Variants in PCDHA3 observed in about 807,000 individuals in gnomAD.
PCDHA3 encodes the protein protocadherin alpha 3, also known as protocadherin alpha-3.
PCDHA3 carries 41 observed loss-of-function variants against 62.2 expected under a neutral mutation model. That is an observed-to-expected ratio of 0.66 (90% CI 0.51 to 0.86). The LOEUF is 0.86. PCDHA3 is among the 40% of genes least tolerant of loss of function. The pLI, the probability that PCDHA3 is intolerant of heterozygous loss-of-function variation, is 0.00. For synonymous variants in PCDHA3, 640 were observed against 555.4 expected, an observed-to-expected ratio of 1.15 and a Z score of -2.14; for missense variants, 1,304 against 1,241.2, an observed-to-expected ratio of 1.05 and a Z score of -0.76.
chr5:140,909,769 C>T (rs1213208977), intron 1 of PCDHA3, among the ~76,000 whole-genome samples: 2 of 152,104 alleles, frequency 1.3e-5, no homozygotes, highest in Non-Finnish European at 2.9e-5. Flanking sequence ...AGTCCAGGGA[C>T]CCACTGGACC....
At chr5:140,976,486 G>T (rs782708902) in intron 1 of PCDHA3, among the ~76,000 whole-genome samples, 1 of 152,078 alleles carries the variant, frequency 6.6e-6, no homozygotes, top group Non-Finnish European at 1.5e-5. Context: ...GGGAGGCAGA[G>T]GTTGCAGGGA....
chr5:140,829,728 G>A (rs1388921761), intron 1 of PCDHA3: 2 of 1,613,492 alleles, frequency 1.2e-6, no homozygotes, highest in Non-Finnish European at 1.7e-6. Flanking sequence ...CCGCCTCTGG[G>A]CAGCAACGTG....
At chr5:140,834,306 T>G in intron 1 of PCDHA3, 1 of 1,335,582 alleles carries the variant, frequency 7.5e-7, no homozygotes, top group Non-Finnish European at 1.0e-6. Context: ...ACATCGAGAT[T>G]GAAATGAAGG....
intron 1 of PCDHA3, chr5:140,807,651 A>G (rs1554124177): frequency 6.2e-7 from 1 of 1,614,098 alleles, no homozygotes; most frequent in Non-Finnish European, 8.5e-7. Flanking sequence ...TTTCCACTAG[A>G]GGGCGCCTCG....
chr5:140,926,505 TC>T, intron 1 of PCDHA3: 1 of 190,688 alleles, frequency 5.2e-6, no homozygotes. Flanking sequence ...TCGGGGCGTC[TC>T]CCAGGCTCCG....
At chr5:140,836,032 C>A (rs1554135559) in intron 1 of PCDHA3, 2 of 1,613,416 alleles carry the variant, frequency 1.2e-6, no homozygotes, top group Non-Finnish European at 8.5e-7. Context: ...AGCAACGTGA[C>A]GCTGCAGGTG....
At chr5:140,964,961 G>A (rs552220130) in intron 1 of PCDHA3, among the ~76,000 whole-genome samples, 1 of 152,320 alleles carries the variant, frequency 6.6e-6, no homozygotes, top group Non-Finnish European at 1.5e-5. Context: ...TTGGTTGGTG[G>A]AACGAAGGGA....
chr5:140,968,659 C>T, intron 1 of PCDHA3: 1 of 1,614,160 alleles, frequency 6.2e-7, no homozygotes, highest in East Asian at 2.2e-5. Flanking sequence ...CTGACCTGGA[C>T]CTCTTTAAGG....
At position 140,829,434 on chromosome 5, in the gene PCDHA3, T is replaced by A. The variant is rs2150167866; in HGVS notation, c.2394+25843T>A. 3 of 1,613,976 alleles carry A rather than the reference T, an allele frequency of 1.9e-6. No homozygotes were observed. In the South Asian group the frequency reaches 3.3e-5, roughly 18 times the overall value. On this transcript the variant is annotated intron_variant, in intron 1 of 3. Transcript: ENST00000522353. ...AGCTTGTCTGTGGAGGTGGCCGACA[T>A]GAATGACAATGCTCCGGCGTTCGCG...
intron 1 of PCDHA3, chr5:140,808,781 C>T: frequency 6.2e-7 from 1 of 1,612,564 alleles, no homozygotes; most frequent in Non-Finnish European, 8.5e-7. Context: ...AGAGCTGCTG[C>T]AGTTTCAGGT....
chr5:140,982,286 A>C, intron 2 of PCDHA3, 189 bp from the exon 3 acceptor site: 1 of 1,075,236 alleles, frequency 9.3e-7, no homozygotes, highest in Non-Finnish European at 1.3e-6. Flanking sequence ...GCAGGCAATA[A>C]GTAAGTCAGC....
chr5:140,857,802 T>G (rs251364), intron 1 of PCDHA3: 998,681 of 1,596,370 alleles, frequency 0.63, 345,026 homozygotes, highest in African/African-American at 0.69. Context: ...CGGTCGGTGG[T>G]TGCGGGTCAC....
intron 1 of PCDHA3, chr5:140,829,875 G>T (rs2150176769): frequency 1.2e-6 from 2 of 1,613,946 alleles, no homozygotes; most frequent in Non-Finnish European, 1.7e-6. Flanking sequence ...GCGAAGGTGC[G>T]CGCAGTTGAC....
rs2040583064 is a variant in PCDHA3, at chr5:140,848,750, T to A, written c.2394+45159T>A. ...TAAATCTGCAGAATGGCATTTTGTT[T>A]GTGAATTCTCGGATCGACCGCGAGG... is the stretch of plus-strand genomic sequence containing the variant. On this transcript the variant is annotated intron_variant, in intron 1 of 3. Coordinates refer to ENST00000522353, the MANE Select transcript of PCDHA3 (RefSeq NM_018906.3). 5 of 1,593,288 alleles carry A rather than the reference T, an allele frequency of 3.1e-6. 1 individual carries two copies. The highest frequency in any genetic ancestry group is 4.3e-6 in the Non-Finnish European group (5 of 1,163,954).
intron 1 of PCDHA3, among the ~76,000 whole-genome samples, chr5:140,934,475 A>G (rs1554209923): frequency 6.6e-6 from 1 of 152,172 alleles, no homozygotes; most frequent in African/African-American, 2.4e-5. Context: ...ATTATTTTGA[A>G]AATTATATTC....
Position 140,929,023 on chromosome 5 carries a change from C to G in PCDHA3, c.2395-49926C>G, listed in dbSNP as rs2085741813. On this transcript the variant is annotated intron_variant, in intron 1 of 3. Transcript: ENST00000522353. ...CGTGTGTACCAAGTTGCACCAGAGCCCAGGCTGTTGCGCTCAGAGCTGCTG... is the reference window on the plus strand; with the variant it reads ...CGTGTGTACCAAGTTGCACCAGAGCGCAGGCTGTTGCGCTCAGAGCTGCTG... 2.5e-6 allele frequency: 4 copies of G among 1,614,056 alleles called. No homozygotes were observed. The Admixed American group carries it at 6.7e-5, about 27-fold the overall frequency.
At chr5:140,804,826 A>T in intron 1 of PCDHA3, 1 of 380,196 alleles carries the variant, frequency 2.6e-6, no homozygotes, top group East Asian at 4.4e-5. Context: ...AACCTGGTTA[A>T]TACTCATTGA....
rs144568392 is a variant in PCDHA3 at position 140,837,758 on chromosome 5, C to T, written c.2394+34167C>T. Among the ~76,000 whole-genome samples the T allele has an allele frequency of 1.3e-4, 19 of 151,820 alleles. No homozygotes were observed. The South Asian group carries it at 1.5e-3, about 12-fold the overall frequency. On this transcript the variant is annotated intron_variant, in intron 1 of 3. Transcript: ENST00000522353. ...GTGGTGGGATTATAGCCCACTGCAA[C>T]CTGAAAGTCCTGGGCTCACAGGATC...
Position 140,802,784 on chromosome 5 carries a change from G to A in PCDHA3, c.1587G>A (p.Glu529=). ...ALQPLDHEEL[E]LLQFQVSARD... Reference sequence around the variant, plus strand: ...AGCCGCTGGACCACGAGGAGCTAGAGCTGCTGCAGTTCCAGGTGAGTGCGC... The same window carrying A: ...AGCCGCTGGACCACGAGGAGCTAGAACTGCTGCAGTTCCAGGTGAGTGCGC... The change falls in exon 1 of 4, where the codon GAG becomes GAA. Residue 529 remains glutamate, a synonymous_variant. Transcript: ENST00000522353. The A allele has an allele frequency of 1.9e-6, 3 of 1,613,342 alleles. No homozygotes were observed. The highest frequency in any genetic ancestry group is 2.5e-6 in the Non-Finnish European group (3 of 1,179,918).
Sources: allele counts gnomAD v4.1 joint callset (sites outside exome capture counted in the v4.1 genomes callset), GRCh38; gene constraint gnomAD v4.1.1; transcripts MANE v1.5; gene names NCBI Gene and HGNC (gene_info 2026-07-23, HGNC 2026-07-21).